The following TCOF1 variants were observed in gnomAD, a reference collection of about 807,000 sequenced individuals.
TCOF1 encodes treacle ribosome biogenesis factor 1, also known as treacle protein.
TCOF1 carries 33 observed loss-of-function variants against 149.0 expected under a neutral mutation model. The observed-to-expected ratio is 0.22, with a 90% CI of 0.17 to 0.30. The LOEUF is 0.30. Among genes scored for constraint, TCOF1 ranks in the 10% least tolerant of loss-of-function variants. The pLI is 1.00. For missense variants in TCOF1, 1,728 were observed against 1,840.7 expected (o/e 0.94, Z 1.12); for synonymous variants, 789 against 738.8 (o/e 1.07, Z -1.10).
At chr5:150,361,302 C>A in intron 2 of TCOF1, 91 bp downstream of exon 2, 1 of 1,477,186 alleles carries the variant, frequency 6.8e-7, no homozygotes, top group Non-Finnish European at 9.4e-7. Flanking sequence ...GGTCTAAGAT[C>A]TGTCCCCATA....
intron 3 of TCOF1, 134 bp downstream of exon 3, chr5:150,364,386 T>C: frequency 7.5e-7 from 1 of 1,330,552 alleles, no homozygotes; most frequent in Non-Finnish European, 1.0e-6. Context: ...GCACCACATA[T>C]CTTTGGCAGT....
rs756109392 is a variant in TCOF1 at position 150,396,648 on chromosome 5, C to T, written c.4151C>T (p.Ser1384Phe). 41 of 1,607,558 alleles carry T rather than the reference C, an allele frequency of 2.6e-5. No homozygotes were observed. Among genetic ancestry groups the T allele is most frequent in the African/African-American group, 4.0e-5 (3 of 74,778 alleles). The stretch of plus-strand genomic sequence containing the variant: ...GCCTCTGTTTCCCCAGAAAAGACCT[C>T]CACGACTTCCAAGGGGAAAGCAAAG... ...GEASVSPEKT[S>F]TTSKGKAKRD... The change falls in exon 24 of 27, where the codon TCC (serine) becomes TTC (phenylalanine). Residue 1384 changes from serine to phenylalanine, a missense_variant. Ser to Phe is a radical substitution (Grantham distance 155). This residue lies in a region of TCOF1 where 1,696 missense variants were observed against 1,765.4 expected (regional missense o/e 0.96). Coordinates refer to ENST00000643257, the MANE Select transcript of TCOF1 (RefSeq NM_001371623.1).
At position 150,357,746 on chromosome 5, in the gene TCOF1, T is replaced by G. The variant is rs1010092459; in HGVS notation, c.-1T>G. The G allele has an allele frequency of 2.0e-5, 31 of 1,547,084 alleles. No individual in the cohort carries two copies. In the Admixed American group the frequency reaches 3.5e-4, roughly 18 times the overall value. ...TAGCCGGCCGGCCGGGGGTCGCGGG[T>G]ATGGCCGAGGCCAGGAAGCGGCGGG... On this transcript the variant is annotated 5_prime_UTR_variant, in exon 1 of 27. Transcript: ENST00000643257.
intron 17 of TCOF1, chr5:150,384,802 C>T (rs1765948114): frequency 1.0e-6 from 1 of 985,378 alleles, no homozygotes; most frequent in Admixed American, 6.1e-5. Context: ...TCCTAATCCC[C>T]AGCTCACTAA....
intron 23 of TCOF1, among the ~76,000 whole-genome samples, chr5:150,395,128 C>T (rs1045494961): frequency 1.3e-5 from 2 of 152,214 alleles, no homozygotes; most frequent in Non-Finnish European, 1.5e-5. Flanking sequence ...CCCAGCCCAC[C>T]GCAGCTCTAG....
intron 1 of TCOF1, among the ~76,000 whole-genome samples, chr5:150,359,912 G>T (rs993406615): frequency 7.9e-5 from 12 of 152,216 alleles, no homozygotes; most frequent in African/African-American, 2.9e-4. Context: ...CATTGAGAAG[G>T]TGTCATTTGG....
At chr5:150,370,470 C>T (rs1417996642) in intron 6 of TCOF1, among the ~76,000 whole-genome samples, 1 of 152,208 alleles carries the variant, frequency 6.6e-6, no homozygotes, top group East Asian at 1.9e-4. Context: ...ATTGTCGTGC[C>T]TCAGCCTCCC....
rs753745867 is a variant in TCOF1 at position 150,396,722 on chromosome 5, C to T, written c.4225C>T (p.Leu1409Phe). The T allele has an allele frequency of 3.7e-6, 6 of 1,612,684 alleles. No individual in the cohort carries two copies. The highest frequency in any genetic ancestry group is 3.3e-5 in the Admixed American group (2 of 59,834). ...DVKEKKGKGS[L>F]GSQGAKDEPE... ...CAAGGAGAAGAAAGGGAAGGGGTCT[C>T]TTGGCTCCCAAGGGGCCAAGGACGA... Residue 1409 changes from leucine to phenylalanine, a missense_variant, in exon 24 of 27, where the codon CTT (leucine) becomes TTT (phenylalanine). Coordinates refer to ENST00000643257, the MANE Select transcript of TCOF1 (RefSeq NM_001371623.1).
In TCOF1 at chr5:150,376,137, C is replaced by T; in HGVS notation, c.1949C>T (p.Thr650Ile). The stretch of plus-strand genomic sequence containing the variant: ...AAGGCCTGCCCAAAGAAAACCAATA[C>T]CACTGCATCTGCCAAGGTCGCCCCT... Reference protein sequence around the residue: ...QTKACPKKTNTTASAKVAPVR... With the variant: ...QTKACPKKTNITASAKVAPVR... Residue 650 changes from threonine to isoleucine, a missense_variant, in exon 13 of 27, where the codon ACC (threonine) becomes ATC (isoleucine). Transcript: ENST00000643257. 6.2e-7 allele frequency: 1 copy of T among 1,614,226 alleles called. No homozygotes were observed. The highest frequency in any genetic ancestry group is 8.5e-7 in the Non-Finnish European group (1 of 1,180,036).
chr5:150,390,665 G>A (rs1418196689), intron 19 of TCOF1, among the ~76,000 whole-genome samples: 1 of 152,056 alleles, frequency 6.6e-6, no homozygotes, highest in African/African-American at 2.4e-5. Context: ...GTGGGCTAAG[G>A]GGGTGTTGGG....
At chr5:150,368,945 G>A in intron 5 of TCOF1, 43 bp downstream of exon 5, 4 of 1,610,094 alleles carry the variant, frequency 2.5e-6, no homozygotes, top group Non-Finnish European at 3.4e-6. Flanking sequence ...CCAGAACTTG[G>A]GCTGGTGAGG....
intron 19 of TCOF1, 96 bp from the exon 20 acceptor site, chr5:150,391,448 A>G: frequency 9.0e-7 from 1 of 1,106,098 alleles, no homozygotes; most frequent in Non-Finnish European, 1.4e-6. Flanking sequence ...TCCCTGCTCC[A>G]GCCCTCACCC....
chr5:150,374,929 C>CT (rs1763391189), intron 9 of TCOF1, 25 bp from the exon 10 acceptor site: 1 of 1,613,466 alleles, frequency 6.2e-7, no homozygotes, highest in African/African-American at 1.3e-5. Context: ...TCTGGGCTCT[C>CT]CCCTCATCCT....
At position 150,392,276 on chromosome 5, in the gene TCOF1, T is replaced by C. The variant is rs1419193920; in HGVS notation, c.3517+100T>C. 4.9e-6 allele frequency: 6 copies of C among 1,231,516 alleles called. No individual in the cohort carries two copies. In the African/African-American group the frequency reaches 9.1e-5, roughly 19 times the overall value. The allele number at this position is 1,231,516 out of a possible 1,614,324, so 76.3% of individuals were successfully genotyped here. On this transcript the variant is annotated intron_variant, in intron 21 of 26. Coordinates refer to ENST00000643257, the MANE Select transcript of TCOF1 (RefSeq NM_001371623.1). ...GCCTCAGCTCCATATCTCAGACTCATTCTGCACCTGTGGCTGAGCCTGGGC... is the reference window on the plus strand; with the variant it reads ...GCCTCAGCTCCATATCTCAGACTCACTCTGCACCTGTGGCTGAGCCTGGGC...
Position 150,393,432 on chromosome 5 carries a change from G to T in TCOF1, c.3664G>T (p.Ala1222Ser). The change falls in exon 23 of 27, where the codon GCC becomes TCC. Residue 1222 changes from alanine to serine, a missense_variant. Physicochemically the swap from Ala to Ser is moderately conservative, Grantham distance 99. Transcript: ENST00000643257. ...CCCAGCCAATTCCCAGGCCTCAAAA[G>T]CCACTCCCAAGCTAGACTCCAGCCC... ...LTPANSQASK[A>S]TPKLDSSPSV... The T allele has an allele frequency of 6.2e-7, 1 of 1,614,106 alleles. No individual in the cohort carries two copies. The highest frequency in any genetic ancestry group is 8.5e-7 in the Non-Finnish European group (1 of 1,180,024).
In TCOF1 at chr5:150,371,181, A is replaced by G. The variant is rs150835570; in HGVS notation, c.640-825A>G. Among the ~76,000 whole-genome samples the G allele has an allele frequency of 2.6e-3, 398 of 152,216 alleles. 5 individuals are homozygous for G. The highest frequency in any genetic ancestry group is 9.4e-3 in the African/African-American group (389 of 41,528). On this transcript the variant is annotated intron_variant, in intron 6 of 26. Coordinates refer to ENST00000643257, the MANE Select transcript of TCOF1 (RefSeq NM_001371623.1). ...GATGAACTGATCTGGTGCCCAGGGA[A>G]CTTCTCACTTTACTGTGCTGCCTGG... is the stretch of plus-strand genomic sequence containing the variant.
chr5:150,369,715 G>T (rs1762122769), intron 6 of TCOF1, 113 bp downstream of exon 6: 1 of 1,197,110 alleles, frequency 8.4e-7, no homozygotes, highest in African/African-American at 1.5e-5. Context: ...ACTGTGGTAG[G>T]GTGACCAGGA....
chr5:150,383,203 C>A, intron 17 of TCOF1: 1 of 1,521,664 alleles, frequency 6.6e-7, no homozygotes, highest in Non-Finnish European at 8.8e-7. Context: ...GCAGATGCTG[C>A]AGGATCAGAG....
At chr5:150,384,367 T>A in intron 17 of TCOF1, 1 of 985,656 alleles carries the variant, frequency 1.0e-6, no homozygotes. Context: ...CTCAGAGAAG[T>A]TGAGGGACCT....
Sources: gnomAD v4.1 joint callset for allele counts (sites outside exome capture counted in the v4.1 genomes callset) on GRCh38, gnomAD v4.1.1 for gene constraint, gnomAD v4.1.1 regional missense constraint, MANE v1.5 for transcripts, NCBI Gene and HGNC (gene_info 2026-07-23, HGNC 2026-07-21) for gene names.